MARCHF1: variants seen among roughly 807,000 people sequenced by gnomAD.
The protein encoded by MARCHF1 is E3 ubiquitin-protein ligase MARCHF1.
In MARCHF1, 40 loss-of-function variants were observed where a neutral mutation model predicts 54.2. That is an observed-to-expected ratio of 0.74 (90% CI 0.57 to 0.96). The LOEUF (loss-of-function observed/expected upper bound fraction) is 0.96. Ranked by LOEUF, MARCHF1 falls within the 40% of genes least tolerant of loss-of-function variation. The pLI, the probability that MARCHF1 is intolerant of heterozygous loss-of-function variation, is 0.00. For missense variants in MARCHF1, 586 were observed against 656.5 expected (o/e 0.89, Z 1.17); for synonymous variants, 236 against 236.3 (o/e 1.00, Z 0.01).
intron 3 of MARCHF1, among the ~76,000 whole-genome samples, chr4:163,983,959 TA>T (rs1235971207): frequency 2.9e-5 from 3 of 105,250 alleles, no homozygotes; most frequent in East Asian, 2.9e-4. Flanking sequence ...AAATTTTTAC[TA>T]AAAATTTTTT....
At chr4:163,911,642 G>T (rs533428487) in intron 3 of MARCHF1, among the ~76,000 whole-genome samples, 1 of 152,048 alleles carries the variant, frequency 6.6e-6, no homozygotes, top group African/African-American at 2.4e-5. Flanking sequence ...AGTCCTAACC[G>T]CCAGTACCTC....
chr4:164,014,133 A>G (rs1171323598), intron 2 of MARCHF1, among the ~76,000 whole-genome samples: 1 of 151,310 alleles, frequency 6.6e-6, no homozygotes, highest in Non-Finnish European at 1.5e-5. Context: ...CAGAGGTTGC[A>G]GTGACCCGAG....
At chr4:163,783,183 G>A (rs957510051) in intron 4 of MARCHF1, among the ~76,000 whole-genome samples, 1 of 152,170 alleles carries the variant, frequency 6.6e-6, no homozygotes, top group Non-Finnish European at 1.5e-5. Context: ...ATAGTCCCAT[G>A]AGATAGAAAT....
intron 1 of MARCHF1, among the ~76,000 whole-genome samples, chr4:164,204,618 G>A (rs568310250): frequency 1.3e-5 from 2 of 152,274 alleles, no homozygotes; most frequent in South Asian, 4.1e-4. Context: ...TGTGCCTAAT[G>A]AAATATGCAA....
intron 4 of MARCHF1, among the ~76,000 whole-genome samples, chr4:163,764,522 AATAG>A (rs1312899590): frequency 6.6e-6 from 1 of 152,018 alleles, no homozygotes; most frequent in African/African-American, 2.4e-5. Context: ...AAACATAATA[AATAG>A]ATAGTTTTTA....
chr4:163,671,055 G>C (rs1397084679), intron 5 of MARCHF1, among the ~76,000 whole-genome samples: 2 of 152,122 alleles, frequency 1.3e-5, no homozygotes, highest in Non-Finnish European at 2.9e-5. Context: ...CCTTGCATTT[G>C]ACTGGATAGT....
rs1738225775 is a variant in MARCHF1, at chr4:163,528,570, C to T, written c.*178G>A. 2 of 603,982 alleles carry T rather than the reference C, an allele frequency of 3.3e-6. No homozygotes were observed. Among genetic ancestry groups the T allele is most frequent in the African/African-American group, 1.9e-5 (1 of 52,638 alleles). The allele number at this position is 603,982 out of a possible 1,614,324, so 37.4% of individuals were successfully genotyped here. ...ACTTTACGCTATTACTTCATGGGCTCCTGGGCATTTGGTCTGTTTGTTTTT... is the reference window on the plus strand; with the variant it reads ...ACTTTACGCTATTACTTCATGGGCTTCTGGGCATTTGGTCTGTTTGTTTTT... On this transcript the variant is annotated 3_prime_UTR_variant, in exon 10 of 10. Transcript: ENST00000514618.
At chr4:163,655,961 T>C (rs1219163982) in intron 5 of MARCHF1, among the ~76,000 whole-genome samples, 1 of 151,746 alleles carries the variant, frequency 6.6e-6, no homozygotes, top group Admixed American at 6.6e-5. Flanking sequence ...GCTGGGAAGA[T>C]CTCAAGTCAA....
chr4:164,357,751 T>C (rs1429304968), intron 1 of MARCHF1, among the ~76,000 whole-genome samples: 1 of 152,194 alleles, frequency 6.6e-6, no homozygotes, highest in African/African-American at 2.4e-5. Context: ...GGTACTGAAG[T>C]GTCAATTGAT....
At chr4:163,671,505 A>G (rs1743734623) in intron 5 of MARCHF1, among the ~76,000 whole-genome samples, 1 of 152,212 alleles carries the variant, frequency 6.6e-6, no homozygotes, top group Non-Finnish European at 1.5e-5. Context: ...TGCATTTTTA[A>G]AAGTATGATA....
chr4:163,745,666 T>A (rs1474047859), intron 4 of MARCHF1, among the ~76,000 whole-genome samples: 1 of 152,162 alleles, frequency 6.6e-6, no homozygotes, highest in Admixed American at 6.5e-5. Context: ...CAATTGCTCA[T>A]CCAACAACAT....
At chr4:163,596,968 T>A (rs1740796064) in intron 7 of MARCHF1, among the ~76,000 whole-genome samples, 1 of 152,000 alleles carries the variant, frequency 6.6e-6, no homozygotes, top group Non-Finnish European at 1.5e-5. Flanking sequence ...ATTATTATTA[T>A]TATTTGAGAC....
chr4:163,854,428 T>C (rs1010573126), intron 3 of MARCHF1, among the ~76,000 whole-genome samples: 2 of 152,160 alleles, frequency 1.3e-5, no homozygotes, highest in African/African-American at 4.8e-5. Context: ...TAGTAGACAA[T>C]GAGAATTCCT....
chr4:164,134,850 T>C (rs1277360699), intron 1 of MARCHF1, among the ~76,000 whole-genome samples: 11 of 145,828 alleles, frequency 7.5e-5, no homozygotes, highest in Non-Finnish European at 1.5e-4. Context: ...TCAGTCTTAG[T>C]AAAAAAAAAA....
intron 5 of MARCHF1, among the ~76,000 whole-genome samples, chr4:163,649,526 T>C (rs1742888500): frequency 6.6e-6 from 1 of 152,068 alleles, no homozygotes; most frequent in Non-Finnish European, 1.5e-5. Context: ...ATCCGCAATG[T>C]AGACTCTAAG....
chr4:163,913,145 A>G lies in MARCHF1; in HGVS notation c.-38-58976T>C, dbSNP rs1161130600. Among the ~76,000 whole-genome samples the G allele has an allele frequency of 2.0e-5, 3 of 152,308 alleles. No homozygotes were observed. In the East Asian group the frequency reaches 5.8e-4, roughly 29 times the overall value. Reference sequence around the variant, plus strand: ...AAATTATAGAAACATGGCAGGTCTTATGACTTATTTCATTCTCCTTACCTA... The same window carrying G: ...AAATTATAGAAACATGGCAGGTCTTGTGACTTATTTCATTCTCCTTACCTA... On this transcript the variant is annotated intron_variant, in intron 3 of 9. Transcript: ENST00000514618.
chr4:164,032,548 G>A (rs1487217228), intron 2 of MARCHF1, among the ~76,000 whole-genome samples: 1 of 152,026 alleles, frequency 6.6e-6, no homozygotes, highest in African/African-American at 2.4e-5. Flanking sequence ...TGATTCATTG[G>A]TTTCATATAA....
intron 3 of MARCHF1, among the ~76,000 whole-genome samples, chr4:163,858,357 TCTC>T (rs1369411067): frequency 6.6e-6 from 1 of 152,114 alleles, no homozygotes; most frequent in African/African-American, 2.4e-5. Flanking sequence ...TATCTCTCTG[TCTC>T]CTCAACTATT....
intron 2 of MARCHF1, among the ~76,000 whole-genome samples, chr4:164,035,029 T>C (rs914159581): frequency 1.3e-5 from 2 of 152,172 alleles, no homozygotes; most frequent in African/African-American, 4.8e-5. Context: ...TATCACATTA[T>C]AAAGGAGATA....
Sources: gnomAD v4.1 joint callset for allele counts (sites outside exome capture counted in the v4.1 genomes callset) on GRCh38, gnomAD v4.1.1 for gene constraint, MANE v1.5 for transcripts, NCBI Gene and HGNC (gene_info 2026-07-23, HGNC 2026-07-21) for gene names.